The following RGS7 variants were observed in gnomAD, a reference collection of about 807,000 sequenced individuals.
RGS7 encodes regulator of G-protein signaling 7.
Under a neutral mutation model 81.1 loss-of-function variants are expected in RGS7, and 27 were observed. The ratio of observed to expected loss-of-function variants is 0.33; its 90% CI spans 0.25 to 0.46. The LOEUF is 0.46. Ranked by LOEUF, RGS7 falls within the 20% of genes least tolerant of loss-of-function variation. The pLI is 1.00. For synonymous variants in RGS7, 208 were observed against 207.7 expected, an observed-to-expected ratio of 1.00 and a Z score of -0.01; for missense variants, 396 against 607.4, an observed-to-expected ratio of 0.65 and a Z score of 3.66.
intron 10 of RGS7, among the ~76,000 whole-genome samples, chr1:240,819,151 G>T (rs951141040): frequency 2.6e-5 from 4 of 151,918 alleles, no homozygotes; most frequent in Admixed American, 6.6e-5. Context: ...CTTAATTTTT[G>T]AGAAGAAAAA....
At chr1:240,926,829 G>T (rs1006834411) in intron 6 of RGS7, among the ~76,000 whole-genome samples, 1 of 152,202 alleles carries the variant, frequency 6.6e-6, no homozygotes, top group African/African-American at 2.4e-5. Context: ...GATTTTCGAA[G>T]AATGGAGTTT....
chr1:240,917,302 T>C (rs926702743), intron 6 of RGS7, among the ~76,000 whole-genome samples: 1 of 152,114 alleles, frequency 6.6e-6, no homozygotes, highest in Non-Finnish European at 1.5e-5. Flanking sequence ...TGAAACTACA[T>C]AAAGAAAGGA....
At chr1:241,205,295 T>A (rs1011761609) in intron 2 of RGS7, among the ~76,000 whole-genome samples, 3 of 151,210 alleles carry the variant, frequency 2.0e-5, no homozygotes, top group Non-Finnish European at 4.4e-5. Flanking sequence ...TTGGCCAGGA[T>A]GGTCTCGATC....
intron 3 of RGS7, among the ~76,000 whole-genome samples, chr1:240,988,256 T>A (rs535485794): frequency 6.6e-6 from 1 of 150,594 alleles, no homozygotes; most frequent in East Asian, 1.9e-4. Context: ...GACACCACAG[T>A]GTATCTCTCA....
intron 9 of RGS7, among the ~76,000 whole-genome samples, chr1:240,840,576 C>T (rs1025468679): frequency 6.6e-6 from 1 of 152,220 alleles, no homozygotes; most frequent in African/African-American, 2.4e-5. Context: ...CCCGGCCTCA[C>T]TGGCCTTCTT....
chr1:241,114,567 T>C (rs1182862119), intron 2 of RGS7, among the ~76,000 whole-genome samples: 1 of 152,228 alleles, frequency 6.6e-6, no homozygotes, highest in Non-Finnish European at 1.5e-5. Context: ...TCCAGAATTA[T>C]GTCTTTTATA....
At chr1:240,950,927 C>CT (rs202229784) in intron 4 of RGS7, among the ~76,000 whole-genome samples, 5,550 of 146,026 alleles carry the variant, frequency 0.038, 197 homozygotes, top group African/African-American at 0.095. Context: ...TTCTCTCTCT[C>CT]TTTTTTTTTT....
Position 240,801,511 on chromosome 1 carries a change from T to TA in RGS7, c.1360-4dup, listed in dbSNP as rs775527866. ...CTGCGATCCATTGAGTTTCCAGACT[T>TA]ACGTATGTGGGGTAGGATAGGATGA... On this transcript the variant is annotated splice_polypyrimidine_tract_variant and splice_region_variant and intron_variant, in intron 16 of 18. Transcript: ENST00000440928. The TA allele has an allele frequency of 1.1e-5, 18 of 1,600,574 alleles. No individual in the cohort carries two copies. The highest frequency in any genetic ancestry group is 9.4e-5 in the African/African-American group (7 of 74,564).
intron 2 of RGS7, among the ~76,000 whole-genome samples, chr1:241,101,149 T>C (rs1454211911): frequency 6.6e-6 from 1 of 152,224 alleles, no homozygotes; most frequent in Admixed American, 6.5e-5. Flanking sequence ...TTGTGACCCC[T>C]ACGTGCCTGT....
intron 6 of RGS7, among the ~76,000 whole-genome samples, chr1:240,878,473 CTTTT>C (rs1431858077): frequency 7.7e-6 from 1 of 129,858 alleles, no homozygotes; most frequent in East Asian, 2.4e-4. Flanking sequence ...TCTTTTCTTT[CTTTT>C]CTTTTTTCTT....
chr1:240,777,414 GAAGAT>G (rs1194178893), intron 18 of RGS7, among the ~76,000 whole-genome samples: 2 of 152,122 alleles, frequency 1.3e-5, no homozygotes, highest in African/African-American at 4.8e-5. Context: ...GTACATCTCA[GAAGAT>G]AAGTAAAAAT....
At chr1:240,984,537 C>A (rs1462788212) in intron 3 of RGS7, among the ~76,000 whole-genome samples, 1 of 152,190 alleles carries the variant, frequency 6.6e-6, no homozygotes, top group Non-Finnish European at 1.5e-5. Context: ...GATTTAGCAA[C>A]TGATTTGCTT....
intron 3 of RGS7, among the ~76,000 whole-genome samples, chr1:241,057,850 A>G (rs1647890088): frequency 6.6e-6 from 1 of 152,214 alleles, no homozygotes; most frequent in African/African-American, 2.4e-5. Flanking sequence ...CGACAAAGCG[A>G]GACTCTATCT....
At chr1:240,828,791 A>C (rs545768086) in intron 9 of RGS7, among the ~76,000 whole-genome samples, 89 of 152,326 alleles carry the variant, frequency 5.8e-4, no homozygotes, top group African/African-American at 2.1e-3. Flanking sequence ...CCATCTCAAA[A>C]CAGACAAACA....
rs78677448 is a variant in RGS7, at chr1:241,336,598, A to G, written c.78+19101T>C. Among the ~76,000 whole-genome samples, 170 of 152,308 alleles carry G rather than the reference A, an allele frequency of 1.1e-3. 4 individuals are homozygous for G. In the East Asian group the frequency reaches 0.027, roughly 24 times the overall value. ...TCCTCCTTCGGCTTTCTTAACACAC[A>G]GATGCACTCTGTTTTGGAACCAAAC... is the stretch of plus-strand genomic sequence containing the variant. On this transcript the variant is annotated intron_variant, in intron 2 of 18. Coordinates refer to ENST00000440928, the MANE Select transcript of RGS7 (RefSeq NM_001364886.1).
Position 241,068,257 on chromosome 1 carries a change from T to TAA in RGS7, c.175+30407_175+30408dup, listed in dbSNP as rs1553407918. Among the ~76,000 whole-genome samples, 22 of 73,260 alleles carry TAA rather than the reference T, an allele frequency of 3.0e-4. 5 individuals carry two copies. Among genetic ancestry groups the TAA allele is most frequent in the South Asian group, 6.2e-4 (1 of 1,614 alleles). The allele number at this position is 73,260 out of a possible 152,430, so 48.1% of individuals were successfully genotyped here. On this transcript the variant is annotated intron_variant, in intron 3 of 18. Transcript: ENST00000440928. ...GTGTGTGTATATATATATATATATA[T>TAA]AAAATATTGTGTATATATAATATTA...
At chr1:240,925,359 T>C (rs1674272245) in intron 6 of RGS7, among the ~76,000 whole-genome samples, 1 of 152,170 alleles carries the variant, frequency 6.6e-6, no homozygotes, top group Admixed American at 6.5e-5. Context: ...CTCCCTCTTA[T>C]AAGTGAGAAC....
At chr1:241,145,053 G>A (rs2068214374) in intron 2 of RGS7, among the ~76,000 whole-genome samples, 1 of 150,318 alleles carries the variant, frequency 6.7e-6, no homozygotes, top group Non-Finnish European at 1.5e-5. Context: ...GTCTCGCACT[G>A]TCGCCCAGGC....
intron 6 of RGS7, among the ~76,000 whole-genome samples, chr1:240,907,821 C>T (rs567769610): frequency 6.6e-6 from 1 of 152,128 alleles, no homozygotes; most frequent in African/African-American, 2.4e-5. Context: ...ATTTACCAAC[C>T]AAGTGAAACA....
Sources: allele counts gnomAD v4.1 joint callset (sites outside exome capture counted in the v4.1 genomes callset), GRCh38; gene constraint gnomAD v4.1.1; transcripts MANE v1.5; gene names NCBI Gene and HGNC (gene_info 2026-07-23, HGNC 2026-07-21).